CLVS1: variants seen among roughly 807,000 people sequenced by gnomAD.
CLVS1 encodes clavesin-1.
Under a neutral mutation model 33.1 loss-of-function variants are expected in CLVS1, and 10 were observed. The observed-to-expected ratio is 0.30, with a 90% CI of 0.19 to 0.51. The LOEUF (loss-of-function observed/expected upper bound fraction) is 0.51. CLVS1 is among the 20% of genes least tolerant of loss of function. The pLI is 0.97. For missense variants in CLVS1, 343 were observed against 433.4 expected (o/e 0.79, Z 1.85); for synonymous variants, 163 against 166.1 (o/e 0.98, Z 0.14).
At chr8:61,424,421 T>G (rs1003140563) in intron 3 of CLVS1, among the ~76,000 whole-genome samples, 4 of 152,228 alleles carry the variant, frequency 2.6e-5, no homozygotes, top group Non-Finnish European at 5.9e-5. Flanking sequence ...AACACATAGA[T>G]GTCAAACTAG....
chr8:61,475,373 CAG>C (rs1817884306), intron 5 of CLVS1, among the ~76,000 whole-genome samples: 1 of 152,168 alleles, frequency 6.6e-6, no homozygotes, highest in African/African-American at 2.4e-5. Context: ...ATCGCCACAC[CAG>C]CTTCCACAAT....
At chr8:61,198,441 A>G (rs1342506229) in intron 2 of CLVS1, among the ~76,000 whole-genome samples, 2 of 152,130 alleles carry the variant, frequency 1.3e-5, no homozygotes, top group Non-Finnish European at 2.9e-5. Flanking sequence ...TTGCAGTGGC[A>G]CGATCTTGGT....
At chr8:61,150,037 C>T (rs949071725) in intron 2 of CLVS1, among the ~76,000 whole-genome samples, 2 of 151,544 alleles carry the variant, frequency 1.3e-5, no homozygotes, top group African/African-American at 4.9e-5. Context: ...CTGAAAATCC[C>T]ACTTCTGAGT....
the CLVS1 span, among the ~76,000 whole-genome samples, chr8:60,988,158 A>C: frequency 6.6e-6 from 1 of 152,150 alleles, no homozygotes; most frequent in South Asian, 2.1e-4. Flanking sequence ...CACTAAGAGA[A>C]AGACCATCCA....
intron 2 of CLVS1, among the ~76,000 whole-genome samples, chr8:61,361,041 G>A (rs900508548): frequency 1.3e-5 from 2 of 152,166 alleles, no homozygotes; most frequent in Admixed American, 1.3e-4. Flanking sequence ...CATGGCAGGG[G>A]CAGAAGGAAG....
chr8:61,387,169 C>A (rs1200172585), intron 3 of CLVS1, among the ~76,000 whole-genome samples: 1 of 152,138 alleles, frequency 6.6e-6, no homozygotes, highest in African/African-American at 2.4e-5. Context: ...GGGCAGATCA[C>A]CTGAGGTCAG....
At chr8:61,249,569 C>T (rs1250535033) in intron 2 of CLVS1, among the ~76,000 whole-genome samples, 1 of 152,178 alleles carries the variant, frequency 6.6e-6, no homozygotes, top group Non-Finnish European at 1.5e-5. Context: ...TCTCCACATC[C>T]TCTCCAGCAT....
At chr8:61,034,686 C>T in the CLVS1 span, among the ~76,000 whole-genome samples, 1 of 152,088 alleles carries the variant, frequency 6.6e-6, no homozygotes, top group Non-Finnish European at 1.5e-5. Flanking sequence ...AGCACTATTG[C>T]AAAAGCCAGG....
intron 5 of CLVS1, among the ~76,000 whole-genome samples, chr8:61,490,623 A>G (rs1394565893): frequency 1.4e-5 from 2 of 146,494 alleles, no homozygotes; most frequent in African/African-American, 2.5e-5. Context: ...ACACCACTGC[A>G]CTCCAGCCTG....
chr8:61,411,805 G>C (rs1232019142), intron 3 of CLVS1, among the ~76,000 whole-genome samples: 2 of 152,100 alleles, frequency 1.3e-5, no homozygotes, highest in African/African-American at 4.8e-5. Context: ...CAGAGATGTC[G>C]CCCCATGTGG....
chr8:61,041,909 C>T, the CLVS1 span, among the ~76,000 whole-genome samples: 1 of 152,086 alleles, frequency 6.6e-6, no homozygotes, highest in African/African-American at 2.4e-5. Context: ...GAGAGAAGGT[C>T]TGACTCTGTC....
chr8:61,325,468 G>T (rs562691852), intron 2 of CLVS1, among the ~76,000 whole-genome samples: 1 of 152,098 alleles, frequency 6.6e-6, no homozygotes, highest in Non-Finnish European at 1.5e-5. Flanking sequence ...CAAGCTATTA[G>T]TGTTTTTATC....
At chr8:61,034,796 A>G in the CLVS1 span, among the ~76,000 whole-genome samples, 983 of 152,324 alleles carry the variant, frequency 6.5e-3, 6 homozygotes, top group African/African-American at 0.021. Flanking sequence ...TACAGTGTTT[A>G]CAAGAAGGAA....
At chr8:61,231,417 G>A (rs1213592612) in intron 2 of CLVS1, among the ~76,000 whole-genome samples, 1 of 152,128 alleles carries the variant, frequency 6.6e-6, no homozygotes, top group Non-Finnish European at 1.5e-5. Flanking sequence ...ATGAATCTAT[G>A]AAACTAGAAT....
At chr8:61,033,161 A>AAGAAAAAGAAAG in the CLVS1 span, among the ~76,000 whole-genome samples, 57 of 92,208 alleles carry the variant, frequency 6.2e-4, no homozygotes, top group African/African-American at 2.3e-3. Context: ...GAAAGAAAGA[A>AAGAAAAAGAAAG]AAAGAAAGAA....
At position 61,400,632 on chromosome 8, in the gene CLVS1, C is replaced by T. The variant is rs149085277; in HGVS notation, c.630+23853C>T. Among the ~76,000 whole-genome samples, 6 of 152,274 alleles carry T rather than the reference C, an allele frequency of 3.9e-5. 1 individual carries two copies. Among genetic ancestry groups the T allele is most frequent in the Admixed American group, 1.3e-4 (2 of 15,292 alleles). ...TGCCAACTTTCAAGGGGTATGCTTC[C>T]AGCTTTTGCCCATTCAGTATGCTAC... is the stretch of plus-strand genomic sequence containing the variant. On this transcript the variant is annotated intron_variant, in intron 3 of 5. Transcript: ENST00000325897.
chr8:61,485,839 G>T lies in CLVS1; in HGVS notation c.978-13616G>T, dbSNP rs1394914345. 9.2e-5 allele frequency among the ~76,000 whole-genome samples: 14 copies of T among 152,080 alleles called. No individual in the cohort carries two copies. In the East Asian group the frequency reaches 2.7e-3, roughly 29 times the overall value. ...AAACCATCATTCTGAGCAAACTATT[G>T]CAAGGACAGAAAACCAAACACCACA... On this transcript the variant is annotated intron_variant, in intron 5 of 5. Transcript: ENST00000325897.
chr8:61,086,651 A>G (rs538170006), intron 1 of CLVS1, among the ~76,000 whole-genome samples: 2 of 152,180 alleles, frequency 1.3e-5, no homozygotes, highest in South Asian at 4.2e-4. Context: ...CAAATATAAC[A>G]TTTATTAATG....
At chr8:61,282,029 C>G (rs1009771174) in intron 2 of CLVS1, among the ~76,000 whole-genome samples, 4 of 152,182 alleles carry the variant, frequency 2.6e-5, no homozygotes, top group Non-Finnish European at 5.9e-5. Flanking sequence ...TCACCTCCAC[C>G]ATCACCCTAG....
Sources: gnomAD v4.1 joint callset for allele counts (sites outside exome capture counted in the v4.1 genomes callset) on GRCh38, gnomAD v4.1.1 for gene constraint, MANE v1.5 for transcripts, NCBI Gene and HGNC (gene_info 2026-07-23, HGNC 2026-07-21) for gene names.